Variants in IQCK observed in about 807,000 individuals in gnomAD.
IQCK encodes the protein IQ motif containing K.
A neutral mutation model predicts 28.1 loss-of-function variants in IQCK; 29 were observed. The observed-to-expected ratio is 1.03, with a 90% CI of 0.77 to 1.41. The LOEUF is 1.41. Among genes scored for constraint, IQCK ranks in the 40% most tolerant of loss-of-function variants. The probability of loss-of-function intolerance (pLI) is 0.00; values close to 1 mark genes in which losing one functional copy is unlikely to be tolerated. For synonymous variants in IQCK, 113 were observed against 115.1 expected (o/e 0.98, Z 0.12); for missense variants, 359 against 314.7 (o/e 1.14, Z -1.07).
chr16:19,768,915 C>T (rs940091624), intron 6 of IQCK, among the ~76,000 whole-genome samples: 3 of 152,072 alleles, frequency 2.0e-5, no homozygotes, highest in Non-Finnish European at 2.9e-5. Context: ...ATTTGGTAGC[C>T]GCTTAGCTGG....
chr16:19,774,398 C>CTTTTTTTTTTTTT (rs1167894201), intron 6 of IQCK, among the ~76,000 whole-genome samples: 3 of 104,100 alleles, frequency 2.9e-5, no homozygotes, highest in African/African-American at 7.4e-5. Context: ...TTAGCTAATA[C>CTTTTTTTTTTTTT]TTTTTTTTTT....
At chr16:19,849,092 A>G (rs1157055920) in intron 9 of IQCK, among the ~76,000 whole-genome samples, 2 of 151,900 alleles carry the variant, frequency 1.3e-5, no homozygotes, top group Non-Finnish European at 2.9e-5. Flanking sequence ...TTGCAGCAAT[A>G]CTGTTTAGGT....
At chr16:19,777,395 G>A (rs1048386444) in intron 6 of IQCK, among the ~76,000 whole-genome samples, 2 of 152,050 alleles carry the variant, frequency 1.3e-5, no homozygotes, top group African/African-American at 2.4e-5. Flanking sequence ...ACTGCATTTC[G>A]TACTAAAGAT....
intron 7 of IQCK, among the ~76,000 whole-genome samples, chr16:19,810,370 G>T (rs540790223): frequency 2.5e-4 from 38 of 151,972 alleles, no homozygotes; most frequent in Non-Finnish European, 4.6e-4. Flanking sequence ...GGTGGCGGGT[G>T]CCTGTAGTCC....
Position 19,786,757 on chromosome 16 carries a change from A to G in IQCK, c.606-2081A>G, listed in dbSNP as rs932577497. Among the ~76,000 whole-genome samples the G allele has an allele frequency of 3.8e-5, 5 of 132,928 alleles. 1 individual carries two copies. The highest frequency in any genetic ancestry group is 1.5e-4 in the African/African-American group (4 of 26,666). The allele number at this position is 132,928 out of a possible 152,430, so 87.2% of individuals were successfully genotyped here. Reference sequence around the variant, plus strand: ...GGAAAGAACGGAAAGAAAGGGGAAAAAAAGGAAGAAATGGAAGAATCACCT... The same window carrying G: ...GGAAAGAACGGAAAGAAAGGGGAAAGAAAGGAAGAAATGGAAGAATCACCT... On this transcript the variant is annotated intron_variant, in intron 6 of 7. Transcript: ENST00000564186.
chr16:19,838,416 T>C (rs187045473), intron 9 of IQCK, among the ~76,000 whole-genome samples: 3 of 152,248 alleles, frequency 2.0e-5, no homozygotes, highest in Admixed American at 2.0e-4. Flanking sequence ...GATCACATGT[T>C]TGAGAAGGTA....
In IQCK at chr16:19,772,776, A is replaced by G. The variant is rs189229145; in HGVS notation, c.605+8664A>G. On this transcript the variant is annotated intron_variant, in intron 6 of 7. Coordinates refer to ENST00000564186, the Ensembl canonical transcript of IQCK. ...TGCCAGCACTTTGGGAGGCTGAGGC[A>G]GAAGGATTACTTGAGCCCAGGAGTT... 1.2e-3 allele frequency among the ~76,000 whole-genome samples: 185 copies of G among 152,272 alleles called. 1 individual carries two copies. Among genetic ancestry groups the G allele is most frequent in the Non-Finnish European group, 1.3e-3 (86 of 68,022 alleles).
At chr16:19,728,934 C>T (rs1977743343) in intron 1 of IQCK, among the ~76,000 whole-genome samples, 1 of 152,154 alleles carries the variant, frequency 6.6e-6, no homozygotes, top group Non-Finnish European at 1.5e-5. Flanking sequence ...CGACTGTATG[C>T]CCTCAATACC....
At chr16:19,828,922 A>G (rs1308033690), downstream of IQCK, among the ~76,000 whole-genome samples, 2 of 143,916 alleles carry the variant, frequency 1.4e-5, no homozygotes, top group Non-Finnish European at 3.0e-5. Context: ...ATTTTTATAT[A>G]TATAATTAAA....
At chr16:19,806,748 G>A (rs1597576239) in intron 7 of IQCK, among the ~76,000 whole-genome samples, 1 of 132,092 alleles carries the variant, frequency 7.6e-6, no homozygotes, top group East Asian at 2.3e-4. Context: ...TGAGCTAGAG[G>A]TGAATGGGAG....
chr16:19,781,870 T>G (rs2055489764), intron 6 of IQCK, among the ~76,000 whole-genome samples: 2 of 152,034 alleles, frequency 1.3e-5, no homozygotes, highest in Admixed American at 1.3e-4. Context: ...GCGCCTGTAA[T>G]CCCAGCTACT....
At chr16:19,751,780 AAAT>A (rs889501566) in intron 4 of IQCK, among the ~76,000 whole-genome samples, 1 of 152,112 alleles carries the variant, frequency 6.6e-6, no homozygotes, top group African/African-American at 2.4e-5. Context: ...CTAGGTGTGC[AAAT>A]AATTTTGATC....
chr16:19,783,963 C>T (rs574328159), intron 6 of IQCK, among the ~76,000 whole-genome samples: 15 of 152,232 alleles, frequency 9.9e-5, no homozygotes, highest in African/African-American at 3.4e-4. Flanking sequence ...TGTTCCGAAA[C>T]AGGAATACTG....
downstream of IQCK, among the ~76,000 whole-genome samples, chr16:19,828,885 A>T (rs868227432): frequency 6.4e-5 from 9 of 140,180 alleles, no homozygotes; most frequent in South Asian, 8.5e-4. Flanking sequence ...TATATATATA[A>T]AATATATATT....
intron 7 of IQCK, 148 bp from the exon 8 acceptor site, chr16:19,826,878 G>A: frequency 1.6e-6 from 1 of 642,462 alleles, no homozygotes; most frequent in Admixed American, 2.7e-5. Flanking sequence ...GTAAGCTCTA[G>A]GAGTGTCAAT....
intron 1 of IQCK, among the ~76,000 whole-genome samples, chr16:19,729,074 A>G (rs2151678368): frequency 6.6e-6 from 1 of 152,194 alleles, no homozygotes; most frequent in African/African-American, 2.4e-5. Flanking sequence ...GGCCATGAGC[A>G]TTTTCTGTTC....
chr16:19,727,299 A>G (rs556275735), intron 1 of IQCK, among the ~76,000 whole-genome samples: 12 of 152,252 alleles, frequency 7.9e-5, no homozygotes, highest in African/African-American at 2.6e-4. Context: ...CAAATGTATT[A>G]TGTATTATAT....
At position 19,825,001 on chromosome 16, in the gene IQCK, C is replaced by T. The variant is rs1456407668; in HGVS notation, c.691-2025C>T. On this transcript the variant is annotated intron_variant, in intron 7 of 7. Coordinates refer to ENST00000564186, the Ensembl canonical transcript of IQCK. This position sits in a 1 kb window ranked among gnomAD's most constrained non-coding sequence, Gnocchi z 4.2. ...CTGGGTTCGATGCCCCTTTGTTTTC[C>T]CTTGCACTCACCAACTTCCCTAGTC... is the stretch of plus-strand genomic sequence containing the variant. Among the ~76,000 whole-genome samples, 6 of 152,160 alleles carry T rather than the reference C, an allele frequency of 3.9e-5. No homozygotes were observed. The highest frequency in any genetic ancestry group is 7.4e-5 in the Non-Finnish European group (5 of 68,020).
intron 4 of IQCK, chr16:19,761,390 T>A (rs1208578398): frequency 1.1e-5 from 5 of 455,908 alleles, no homozygotes; most frequent in South Asian, 7.7e-5. Context: ...GGAGCCTGGT[T>A]TATGTGAACC....
Sources: gnomAD v4.1 joint callset for allele counts (sites outside exome capture counted in the v4.1 genomes callset) on GRCh38, gnomAD v4.1.1 for gene constraint, Gnocchi (gnomAD v3.1) non-coding constraint, MANE v1.5 for transcripts, NCBI Gene and HGNC (gene_info 2026-07-23, HGNC 2026-07-21) for gene names.